Variants in SPATA17 observed in about 807,000 individuals in gnomAD.
SPATA17 encodes spermatogenesis-associated protein 17.
Under a neutral mutation model 62.2 loss-of-function variants are expected in SPATA17, and 53 were observed. The ratio of observed to expected loss-of-function variants is 0.85; its 90% CI spans 0.68 to 1.07. The LOEUF is 1.07. Among genes scored for constraint, SPATA17 ranks in the 50% least tolerant of loss-of-function variants. SPATA17 has a pLI of 0.00. For missense variants in SPATA17, 466 were observed against 425.5 expected (o/e 1.10, Z -0.84); for synonymous variants, 146 against 146.8 (o/e 0.99, Z 0.04).
At chr1:217,639,481 A>G (rs938270502) in intron 1 of SPATA17, among the ~76,000 whole-genome samples, 1 of 152,172 alleles carries the variant, frequency 6.6e-6, no homozygotes, top group Non-Finnish European at 1.5e-5. Context: ...AAAGATCTCA[A>G]GATAGAGGAA....
chr1:217,680,974 A>G (rs1329768724), intron 4 of SPATA17, among the ~76,000 whole-genome samples: 1 of 136,552 alleles, frequency 7.3e-6, no homozygotes, highest in Non-Finnish European at 1.7e-5. Context: ...CACGCCTGTA[A>G]TCCCAGCACC....
chr1:217,831,426 C>T (rs961403540), intron 9 of SPATA17, among the ~76,000 whole-genome samples: 2 of 152,090 alleles, frequency 1.3e-5, no homozygotes, highest in African/African-American at 4.8e-5. Flanking sequence ...AAATTCCTTG[C>T]ATCGACACAG....
intron 8 of SPATA17, 152 bp downstream of exon 8, chr1:217,782,474 G>A (rs1673753535): frequency 5.8e-6 from 5 of 859,284 alleles, no homozygotes; most frequent in Non-Finnish European, 8.2e-6. Flanking sequence ...TTTTCAGCAT[G>A]CAAATGATTT....
chr1:217,669,160 C>G lies in SPATA17; in HGVS notation c.291+77C>G. The G allele has an allele frequency of 3.2e-6, 4 of 1,243,586 alleles. No individual in the cohort carries two copies. In the South Asian group the frequency reaches 5.2e-5, roughly 16 times the overall value. The allele number at this position is 1,243,586 out of a possible 1,614,324, so 77.0% of individuals were successfully genotyped here. ...TTCGCTTTTAATAAAATGAGCAAAG[C>G]AGAATAATGCAAATTTGATTGATAT... On this transcript the variant is annotated intron_variant, in intron 4 of 10. Transcript: ENST00000366933.
At chr1:217,813,495 G>A (rs1674643928) in intron 9 of SPATA17, among the ~76,000 whole-genome samples, 1 of 152,140 alleles carries the variant, frequency 6.6e-6, no homozygotes, top group African/African-American at 2.4e-5. Flanking sequence ...CATGCTGATT[G>A]ATGATTATGC....
At chr1:217,724,182 T>C (rs1015923840) in intron 5 of SPATA17, among the ~76,000 whole-genome samples, 1 of 152,244 alleles carries the variant, frequency 6.6e-6, no homozygotes, top group African/African-American at 2.4e-5. Context: ...GTTCTATCTA[T>C]ATTAATGGAC....
At chr1:217,836,566 T>C (rs1247231792) in intron 9 of SPATA17, among the ~76,000 whole-genome samples, 3 of 152,150 alleles carry the variant, frequency 2.0e-5, no homozygotes, top group Non-Finnish European at 4.4e-5. Flanking sequence ...CTATGTCCAC[T>C]GTACTCTTCC....
chr1:217,729,380 C>T (rs1672344196), intron 5 of SPATA17, among the ~76,000 whole-genome samples: 1 of 152,072 alleles, frequency 6.6e-6, no homozygotes, highest in Non-Finnish European at 1.5e-5. Context: ...AATATGATTA[C>T]CTCAAGATAA....
At chr1:217,796,521 G>A (rs1411482170) in intron 8 of SPATA17, among the ~76,000 whole-genome samples, 1 of 152,166 alleles carries the variant, frequency 6.6e-6, no homozygotes, top group Non-Finnish European at 1.5e-5. Flanking sequence ...TTTGCCACTT[G>A]CATTCTTTAT....
intron 1 of SPATA17, among the ~76,000 whole-genome samples, chr1:217,648,140 C>T (rs1471072866): frequency 6.6e-6 from 1 of 152,186 alleles, no homozygotes; most frequent in Non-Finnish European, 1.5e-5. Context: ...TTATTTCCAG[C>T]AGATTTTATT....
chr1:217,696,730 CA>C (rs1387884600), intron 5 of SPATA17, among the ~76,000 whole-genome samples: 1 of 152,110 alleles, frequency 6.6e-6, no homozygotes, highest in Non-Finnish European at 1.5e-5. Context: ...TTTGAGTTCA[CA>C]GTAGCTGGAC....
intron 1 of SPATA17, among the ~76,000 whole-genome samples, chr1:217,638,523 G>C (rs999989578): frequency 2.0e-5 from 3 of 152,132 alleles, no homozygotes; most frequent in African/African-American, 7.2e-5. Flanking sequence ...AAAATTGAAA[G>C]TACCTTTTAC....
chr1:217,806,240 G>T (rs2102989812), intron 9 of SPATA17, among the ~76,000 whole-genome samples: 1 of 152,298 alleles, frequency 6.6e-6, no homozygotes, highest in Non-Finnish European at 1.5e-5. Flanking sequence ...GGGATGGCAG[G>T]GTCACCCTGA....
chr1:217,787,551 T>TA (rs1571805996), intron 8 of SPATA17, among the ~76,000 whole-genome samples: 1 of 152,138 alleles, frequency 6.6e-6, no homozygotes, highest in South Asian at 2.1e-4. Flanking sequence ...CAAATCCATT[T>TA]AAAAAAATAA....
chr1:217,737,067 A>G (rs1053591965), intron 5 of SPATA17, among the ~76,000 whole-genome samples: 1 of 152,182 alleles, frequency 6.6e-6, no homozygotes. Flanking sequence ...TACAATACTG[A>G]ATTTAGGCAA....
At chr1:217,749,973 C>CTA (rs1307343377) in intron 6 of SPATA17, among the ~76,000 whole-genome samples, 166 of 43,604 alleles carry the variant, frequency 3.8e-3, no homozygotes, top group South Asian at 7.0e-3. Context: ...CTCTCTCTCT[C>CTA]TCTCTCTCTC....
At chr1:217,671,271 A>G (rs1040533247) in intron 4 of SPATA17, among the ~76,000 whole-genome samples, 20 of 152,150 alleles carry the variant, frequency 1.3e-4, no homozygotes, top group African/African-American at 4.3e-4. Context: ...GCCTGCATGT[A>G]GCATCTCCTT....
At position 217,701,301 on chromosome 1, in the gene SPATA17, ATGTG is replaced by A. The variant is rs761293392; in HGVS notation, c.395+17954_395+17957del. Among the ~76,000 whole-genome samples the A allele has an allele frequency of 3.9e-4, 58 of 149,596 alleles. No individual in the cohort carries two copies. In the South Asian group the frequency reaches 0.011, roughly 30 times the overall value. Reference sequence around the variant, plus strand: ...TTCACATATAGATATGTGTGTGTATATGTGTGTGTGTGTGTGTATATATATGTGT... The same window carrying A: ...TTCACATATAGATATGTGTGTGTATATGTGTGTGTGTGTATATATATGTGT... On this transcript the variant is annotated intron_variant, in intron 5 of 10. Transcript: ENST00000366933.
At chr1:217,845,928 G>A (rs1675514833) in intron 9 of SPATA17, among the ~76,000 whole-genome samples, 1 of 152,002 alleles carries the variant, frequency 6.6e-6, no homozygotes, top group South Asian at 2.1e-4. Flanking sequence ...GCTTATTAAA[G>A]ATGGAAAAGA....
Sources: gnomAD v4.1 joint callset for allele counts (sites outside exome capture counted in the v4.1 genomes callset) on GRCh38, gnomAD v4.1.1 for gene constraint, MANE v1.5 for transcripts, NCBI Gene and HGNC (gene_info 2026-07-23, HGNC 2026-07-21) for gene names.